Variants in SNTB1 observed in about 807,000 individuals in gnomAD.
SNTB1 encodes the protein syntrophin beta 1, also known as beta-1-syntrophin.
A neutral mutation model predicts 48.9 loss-of-function variants in SNTB1; 36 were observed. The ratio of observed to expected loss-of-function variants is 0.74; its 90% CI spans 0.56 to 0.97. The LOEUF (loss-of-function observed/expected upper bound fraction) is 0.97, where lower values mean the gene tolerates loss of function less well. Ranked by LOEUF, SNTB1 falls within the 50% of genes least tolerant of loss-of-function variation. SNTB1 has a pLI of 0.00. For missense variants in SNTB1, 786 were observed against 703.4 expected (o/e 1.12, Z -1.33); for synonymous variants, 299 against 294.6 (o/e 1.01, Z -0.15).
chr8:120,542,909 A>G (rs1815315670), intron 5 of SNTB1, among the ~76,000 whole-genome samples: 1 of 152,094 alleles, frequency 6.6e-6, no homozygotes, highest in Non-Finnish European at 1.5e-5. Context: ...AATTTTGCTG[A>G]TGATTTTGGA....
intron 1 of SNTB1, among the ~76,000 whole-genome samples, chr8:120,791,814 G>A (rs114117874): frequency 6.9e-4 from 105 of 152,030 alleles, no homozygotes; most frequent in African/African-American, 2.2e-3. Context: ...AACAGATGGT[G>A]GTGTGGATGT....
At position 120,744,121 on chromosome 8, in the gene SNTB1, A is replaced by ATTTT. The variant is rs35604534; in HGVS notation, c.572-50217_572-50214dup. ...CTCAAGCCTGGGTGACCCTGTCTCA[A>ATTTT]TTTTTTTTTTTTTTTGCAAGGGAAT... On this transcript the variant is annotated intron_variant, in intron 1 of 6. Coordinates refer to ENST00000517992, the MANE Select transcript of SNTB1 (RefSeq NM_021021.4). Among the ~76,000 whole-genome samples, 51 of 136,154 alleles carry ATTTT rather than the reference A, an allele frequency of 3.7e-4. 2 individuals are homozygous for ATTTT. The highest frequency in any genetic ancestry group is 4.1e-3 in the Middle Eastern group (1 of 244). The allele number at this position is 136,154 out of a possible 152,430, so 89.3% of individuals were successfully genotyped here.
intron 2 of SNTB1, among the ~76,000 whole-genome samples, chr8:120,659,973 G>A (rs1817563975): frequency 6.6e-6 from 1 of 152,140 alleles, no homozygotes; most frequent in Non-Finnish European, 1.5e-5. Context: ...TTTTTGCTGA[G>A]TAGCAGGTCT....
intron 1 of SNTB1, chr8:120,775,624 A>G (rs1256988164): frequency 6.6e-6 from 1 of 151,490 alleles, no homozygotes; most frequent in African/African-American, 2.4e-5. Flanking sequence ...AGAACGAAAG[A>G]AAGAATGAAA....
intron 3 of SNTB1, among the ~76,000 whole-genome samples, chr8:120,576,839 A>G (rs777487754): frequency 3.9e-5 from 6 of 152,192 alleles, no homozygotes; most frequent in Non-Finnish European, 8.8e-5. Flanking sequence ...GAAATGCTTA[A>G]TACAGTGCAG....
At chr8:120,546,409 T>C (rs960495354) in intron 5 of SNTB1, among the ~76,000 whole-genome samples, 3 of 152,236 alleles carry the variant, frequency 2.0e-5, no homozygotes, top group African/African-American at 4.8e-5. Flanking sequence ...ATGTGTAAGA[T>C]TGCATGGTAT....
chr8:120,561,539 A>C (rs779041099), intron 4 of SNTB1, among the ~76,000 whole-genome samples: 47 of 152,086 alleles, frequency 3.1e-4, no homozygotes, highest in Middle Eastern at 6.8e-3. Context: ...ATTATTTAGC[A>C]GTCTTGGAGC....
chr8:120,744,825 T>C (rs1385750248), intron 1 of SNTB1, among the ~76,000 whole-genome samples: 4 of 152,210 alleles, frequency 2.6e-5, no homozygotes, highest in African/African-American at 9.6e-5. Flanking sequence ...ACATTAAAAA[T>C]AATAATACAA....
intron 3 of SNTB1, among the ~76,000 whole-genome samples, chr8:120,594,461 C>T (rs1816292025): frequency 1.3e-5 from 2 of 152,178 alleles, no homozygotes; most frequent in African/African-American, 4.8e-5. Context: ...TGGTCTTGAA[C>T]TCCTGACCTC....
At chr8:120,685,001 T>TCCCA (rs1818003507) in intron 2 of SNTB1, among the ~76,000 whole-genome samples, 1 of 152,206 alleles carries the variant, frequency 6.6e-6, no homozygotes, top group Non-Finnish European at 1.5e-5. Context: ...TGACTCAAAG[T>TCCCA]CCCACCTTCC....
At chr8:120,700,374 A>G (rs1248875586) in intron 1 of SNTB1, among the ~76,000 whole-genome samples, 3 of 152,170 alleles carry the variant, frequency 2.0e-5, no homozygotes, top group Non-Finnish European at 4.4e-5. Flanking sequence ...GCAGAACTGA[A>G]CCACTAGTGT....
At chr8:120,598,608 G>T (rs1447491041) in intron 3 of SNTB1, among the ~76,000 whole-genome samples, 1 of 152,182 alleles carries the variant, frequency 6.6e-6, no homozygotes, top group Non-Finnish European at 1.5e-5. Flanking sequence ...CAGGCACCAT[G>T]TTCATTTCCT....
intron 4 of SNTB1, among the ~76,000 whole-genome samples, chr8:120,551,127 G>A (rs1029637497): frequency 2.0e-5 from 3 of 151,940 alleles, no homozygotes; most frequent in African/African-American, 4.8e-5. Context: ...ATGGTGGCAC[G>A]CACCTGTAAT....
intron 1 of SNTB1, 137 bp downstream of exon 1, chr8:120,811,131 TCCCCC>T: frequency 2.0e-6 from 2 of 1,013,406 alleles, no homozygotes; most frequent in Non-Finnish European, 2.7e-6. Context: ...GCGCCACCCT[TCCCCC>T]CCCCCCAACA....
chr8:120,733,800 A>G (rs2129984088), intron 1 of SNTB1, among the ~76,000 whole-genome samples: 1 of 152,336 alleles, frequency 6.6e-6, no homozygotes, highest in South Asian at 2.1e-4. Context: ...TCCAGTAATA[A>G]CTATAGGAAA....
At chr8:120,620,872 T>TCCTC (rs768805206) in intron 3 of SNTB1, among the ~76,000 whole-genome samples, 274 of 151,286 alleles carry the variant, frequency 1.8e-3, no homozygotes, top group East Asian at 4.7e-3. Flanking sequence ...TGCATCTTCC[T>TCCTC]CCTCCCTCCC....
chr8:120,658,101 A>C (rs1249638492), intron 2 of SNTB1, among the ~76,000 whole-genome samples: 1 of 152,206 alleles, frequency 6.6e-6, no homozygotes, highest in Non-Finnish European at 1.5e-5. Context: ...ATCTTTCCTT[A>C]GTGAGGGTAC....
chr8:120,559,026 A>G (rs4297067), intron 4 of SNTB1, among the ~76,000 whole-genome samples: 28,496 of 152,166 alleles, frequency 0.19, 3,199 homozygotes, highest in East Asian at 0.34. Context: ...GTTTGTGATT[A>G]ATGACTACTA....
chr8:120,555,176 G>A (rs969018582), intron 4 of SNTB1, among the ~76,000 whole-genome samples: 4 of 152,236 alleles, frequency 2.6e-5, no homozygotes, highest in Admixed American at 6.5e-5. Context: ...GGGTTGTCCC[G>A]CGCCAGGAAA....
Sources: gnomAD v4.1 joint callset for allele counts (sites outside exome capture counted in the v4.1 genomes callset) on GRCh38, gnomAD v4.1.1 for gene constraint, MANE v1.5 for transcripts, NCBI Gene and HGNC (gene_info 2026-07-23, HGNC 2026-07-21) for gene names.